Variants in KCNH1 observed in about 807,000 individuals in gnomAD.
KCNH1 encodes the protein voltage-gated delayed rectifier potassium channel KCNH1.
A neutral mutation model predicts 69.2 loss-of-function variants in KCNH1; 27 were observed. The ratio of observed to expected loss-of-function variants is 0.39; its 90% CI spans 0.29 to 0.54. KCNH1 has a LOEUF of 0.54. Ranked by LOEUF, KCNH1 falls within the 20% of genes least tolerant of loss-of-function variation. The pLI, the probability that KCNH1 is intolerant of heterozygous loss-of-function variation, is 0.68. For missense variants in KCNH1, 798 were observed against 1,261.6 expected (o/e 0.63, Z 5.57); for synonymous variants, 456 against 487.7 (o/e 0.93, Z 0.86).
intron 1 of KCNH1, among the ~76,000 whole-genome samples, chr1:211,117,841 G>C (rs777847214): frequency 1.1e-4 from 16 of 152,134 alleles, no homozygotes; most frequent in Non-Finnish European, 1.8e-4. Flanking sequence ...TAAGTAATCA[G>C]ATGTATAACA....
intron 6 of KCNH1, among the ~76,000 whole-genome samples, chr1:210,953,088 C>G (rs751745376): frequency 2.6e-5 from 4 of 152,316 alleles, no homozygotes; most frequent in Non-Finnish European, 4.4e-5. Context: ...AACTCCCTCA[C>G]AATCTTTCTC....
chr1:210,861,111 C>G lies in KCNH1; in HGVS notation c.1463-56945G>C. Reference sequence around the variant, plus strand: ...AACAAAAGCTTCTGGGCAGCAGTGGCAAAGGAAATGAAATCTTCAGACACA... The same window carrying G: ...AACAAAAGCTTCTGGGCAGCAGTGGGAAAGGAAATGAAATCTTCAGACACA... On this transcript the variant is annotated intron_variant, in intron 7 of 10. Transcript: ENST00000271751. 4.5e-6 allele frequency: 4 copies of G among 885,110 alleles called. No individual in the cohort carries two copies. In the South Asian group the frequency reaches 5.5e-5, roughly 12 times the overall value. 54.8% of individuals were successfully genotyped at this position (885,110 alleles called of 1,614,324 possible).
chr1:210,982,054 T>C (rs568870902), intron 6 of KCNH1, among the ~76,000 whole-genome samples: 12 of 151,836 alleles, frequency 7.9e-5, no homozygotes, highest in African/African-American at 1.7e-4. Context: ...AACTAGAAAA[T>C]TGGTCTGGGG....
chr1:210,983,609 C>CTGTTCTGT (rs1201171181), intron 6 of KCNH1, among the ~76,000 whole-genome samples: 1 of 152,180 alleles, frequency 6.6e-6, no homozygotes, highest in Non-Finnish European at 1.5e-5. Context: ...TCTGAGGGCT[C>CTGTTCTGT]TGTTCTGTTG....
intron 10 of KCNH1, among the ~76,000 whole-genome samples, chr1:210,685,930 G>T (rs74156020): frequency 0.013 from 1,950 of 152,292 alleles, 32 homozygotes; most frequent in African/African-American, 0.044. Context: ...CTAACTTCTT[G>T]GTTAAAGTTT....
At position 210,995,415 on chromosome 1, in the gene KCNH1, T is replaced by C. The variant is rs143465033; in HGVS notation, c.1032+23368A>G. Among the ~76,000 whole-genome samples the C allele has an allele frequency of 5.1e-3, 776 of 152,202 alleles. 10 individuals are homozygous for C. Among genetic ancestry groups the C allele is most frequent in the African/African-American group, 0.018 (738 of 41,516 alleles). The stretch of plus-strand genomic sequence containing the variant: ...TGTCTGCCAATGGATTCTAATGCTG[T>C]GGGAAAAAATAAACCCCTATCTCCA... On this transcript the variant is annotated intron_variant, in intron 6 of 10. Coordinates refer to ENST00000271751, the MANE Select transcript of KCNH1 (RefSeq NM_172362.3).
chr1:210,756,256 CT>C (rs1170650222), intron 10 of KCNH1, among the ~76,000 whole-genome samples: 1 of 152,198 alleles, frequency 6.6e-6, no homozygotes, highest in Non-Finnish European at 1.5e-5. Context: ...TTACAGAGAT[CT>C]TCTGACAGAG....
At chr1:210,900,890 G>A (rs984144379) in intron 7 of KCNH1, among the ~76,000 whole-genome samples, 1 of 152,000 alleles carries the variant, frequency 6.6e-6, no homozygotes, top group African/African-American at 2.4e-5. Flanking sequence ...TTAGTACCGT[G>A]TTATAGTCAC....
At chr1:211,097,677 T>C (rs187479612) in intron 3 of KCNH1, among the ~76,000 whole-genome samples, 23 of 152,356 alleles carry the variant, frequency 1.5e-4, no homozygotes, top group Non-Finnish European at 2.2e-4. Flanking sequence ...TCTATATCTC[T>C]GTGACCCACC....
intron 6 of KCNH1, among the ~76,000 whole-genome samples, chr1:210,945,210 C>T (rs1687936934): frequency 6.6e-6 from 1 of 152,184 alleles, no homozygotes; most frequent in African/African-American, 2.4e-5. Flanking sequence ...AATAATGCTG[C>T]TATAAGCATT....
At chr1:211,026,075 C>T (rs543299715) in intron 5 of KCNH1, among the ~76,000 whole-genome samples, 1 of 152,218 alleles carries the variant, frequency 6.6e-6, no homozygotes, top group African/African-American at 2.4e-5. Context: ...GTTACTCCCA[C>T]GACCTGGTAT....
chr1:210,744,383 C>T (rs887149829), intron 10 of KCNH1, among the ~76,000 whole-genome samples: 2 of 152,206 alleles, frequency 1.3e-5, no homozygotes, highest in Non-Finnish European at 2.9e-5. Flanking sequence ...CGGTGGCTCA[C>T]GCCTGTAATC....
At chr1:210,885,675 GA>G (rs1686588043) in intron 7 of KCNH1, among the ~76,000 whole-genome samples, 1 of 152,130 alleles carries the variant, frequency 6.6e-6, no homozygotes, top group Non-Finnish European at 1.5e-5. Flanking sequence ...ACAGCAGTCT[GA>G]AGTCCACCTG....
intron 7 of KCNH1, among the ~76,000 whole-genome samples, chr1:210,822,188 C>T (rs1432848443): frequency 6.6e-6 from 1 of 151,938 alleles, no homozygotes; most frequent in Non-Finnish European, 1.5e-5. Context: ...GCAGGGCATG[C>T]ATTGGGCCCA....
At chr1:210,885,681 C>T (rs998074307) in intron 7 of KCNH1, among the ~76,000 whole-genome samples, 1 of 152,144 alleles carries the variant, frequency 6.6e-6, no homozygotes, top group South Asian at 2.1e-4. Flanking sequence ...GTCTGAAGTC[C>T]ACCTGGGACA....
At chr1:211,011,086 C>T (rs923449387) in intron 6 of KCNH1, among the ~76,000 whole-genome samples, 4 of 152,086 alleles carry the variant, frequency 2.6e-5, no homozygotes, top group African/African-American at 9.7e-5. Flanking sequence ...CCCATCAACC[C>T]ATCATCTACA....
At chr1:211,063,740 C>T (rs1325519579) in intron 5 of KCNH1, 3 of 146,368 alleles carry the variant, frequency 2.0e-5, no homozygotes, top group Admixed American at 6.8e-5. Flanking sequence ...GACTCCATCT[C>T]GGGAGAAAAA....
intron 7 of KCNH1, among the ~76,000 whole-genome samples, chr1:210,881,120 C>T (rs376162657): frequency 2.0e-5 from 3 of 151,680 alleles, no homozygotes; most frequent in South Asian, 2.1e-4. Context: ...CAGGTTCAAG[C>T]GATTCTCGTG....
rs1333452636 is a variant in KCNH1, at chr1:210,678,346, TAA to T, written c.*4933_*4934del. ...TAAAATAGTTTATTACCATAATAAA[TAA>T]AACTTTTTTTTTTTACAAATATCAT... On this transcript the variant is annotated 3_prime_UTR_variant, in exon 11 of 11. Transcript: ENST00000271751. 1 of 145,940 alleles carries T rather than the reference TAA, an allele frequency of 6.9e-6. No individual in the cohort carries two copies. Among genetic ancestry groups the T allele is most frequent in the Admixed American group, 6.8e-5 (1 of 14,758 alleles). The allele number at this position is 145,940 out of a possible 1,614,324, so 9.0% of individuals were successfully genotyped here.
Sources: gnomAD v4.1 joint callset for allele counts (sites outside exome capture counted in the v4.1 genomes callset) on GRCh38, gnomAD v4.1.1 for gene constraint, MANE v1.5 for transcripts, NCBI Gene and HGNC (gene_info 2026-07-23, HGNC 2026-07-21) for gene names.